The following CSMD1 variants were observed in gnomAD, a reference collection of about 807,000 sequenced individuals.
The protein encoded by CSMD1 is CUB and sushi domain-containing protein 1.
A neutral mutation model predicts 417.5 loss-of-function variants in CSMD1; 213 were observed. The ratio of observed to expected loss-of-function variants is 0.51; its 90% CI spans 0.46 to 0.57. CSMD1 has a LOEUF of 0.57. Ranked by LOEUF, CSMD1 falls within the 20% of genes least tolerant of loss-of-function variation. The probability of loss-of-function intolerance (pLI) is 0.00; values close to 1 mark genes in which losing one functional copy is unlikely to be tolerated. For missense variants in CSMD1, 6,923 were observed against 4,529.7 expected (o/e 1.53, Z -15.17); for synonymous variants, 2,862 against 1,736.8 (o/e 1.65, Z -16.11).
At chr8:4,895,136 G>C (rs1366911428) in intron 1 of CSMD1, among the ~76,000 whole-genome samples, 1 of 152,140 alleles carries the variant, frequency 6.6e-6, no homozygotes, top group Non-Finnish European at 1.5e-5. Flanking sequence ...AAATACATTT[G>C]ATTTACATTC....
At chr8:4,110,461 C>T (rs1801792547) in intron 3 of CSMD1, among the ~76,000 whole-genome samples, 1 of 152,094 alleles carries the variant, frequency 6.6e-6, no homozygotes, top group African/African-American at 2.4e-5. Flanking sequence ...CCAGATCCCT[C>T]TCATAAATAC....
intron 2 of CSMD1, among the ~76,000 whole-genome samples, chr8:4,567,605 T>G (rs1039601476): frequency 6.6e-6 from 1 of 152,062 alleles, no homozygotes; most frequent in Admixed American, 6.6e-5. Flanking sequence ...ACAGAAAGAG[T>G]GCTCTGTGCA....
At chr8:4,172,728 T>C (rs79870357) in intron 3 of CSMD1, among the ~76,000 whole-genome samples, 5,654 of 152,194 alleles carry the variant, frequency 0.037, 136 homozygotes, top group South Asian at 0.083. Flanking sequence ...TCACTTGACA[T>C]TAGGTTGTAA....
At chr8:3,250,070 T>A (rs1800153712) in intron 26 of CSMD1, among the ~76,000 whole-genome samples, 1 of 152,238 alleles carries the variant, frequency 6.6e-6, no homozygotes, top group Non-Finnish European at 1.5e-5. Context: ...TTATTTATTT[T>A]TAATTATACT....
intron 2 of CSMD1, among the ~76,000 whole-genome samples, chr8:4,460,456 C>G (rs959605670): frequency 6.6e-5 from 10 of 151,986 alleles, no homozygotes; most frequent in African/African-American, 1.2e-4. Flanking sequence ...TTACGGTAAG[C>G]AGAATAACAA....
chr8:4,417,781 A>G (rs986912181), intron 3 of CSMD1, among the ~76,000 whole-genome samples: 37 of 152,008 alleles, frequency 2.4e-4, no homozygotes, highest in African/African-American at 8.5e-4. Flanking sequence ...CATTAATTCT[A>G]CTTCATATAC....
chr8:4,009,075 G>C (rs1563313577), intron 4 of CSMD1, among the ~76,000 whole-genome samples: 1 of 152,110 alleles, frequency 6.6e-6, no homozygotes, highest in Non-Finnish European at 1.5e-5. Flanking sequence ...ATAAAATTCT[G>C]CATTTGAAGA....
intron 3 of CSMD1, among the ~76,000 whole-genome samples, chr8:4,241,076 A>C (rs1802370854): frequency 6.6e-6 from 1 of 152,128 alleles, no homozygotes; most frequent in African/African-American, 2.4e-5. Flanking sequence ...TTGATCGCTG[A>C]ATTACTTATC....
intron 7 of CSMD1, among the ~76,000 whole-genome samples, chr8:3,659,947 G>C (rs868682792): frequency 6.6e-6 from 1 of 152,130 alleles, no homozygotes; most frequent in Non-Finnish European, 1.5e-5. Flanking sequence ...TAAAAGAATT[G>C]CAATAATTTC....
intron 5 of CSMD1, among the ~76,000 whole-genome samples, chr8:3,761,205 A>G (rs924280096): frequency 2.0e-5 from 3 of 152,188 alleles, no homozygotes; most frequent in Admixed American, 6.5e-5. Context: ...ATGAACTCTC[A>G]TATTGCAAGA....
At chr8:3,876,792 T>G in intron 5 of CSMD1, among the ~76,000 whole-genome samples, 1 of 152,152 alleles carries the variant, frequency 6.6e-6, no homozygotes, top group Non-Finnish European at 1.5e-5. Context: ...AAAAATTTTT[T>G]GTAGAAACGA....
intron 3 of CSMD1, among the ~76,000 whole-genome samples, chr8:4,172,154 C>T (rs1797798952): frequency 6.6e-6 from 1 of 151,932 alleles, no homozygotes; most frequent in Non-Finnish European, 1.5e-5. Flanking sequence ...AAAAGATGGA[C>T]CTAAGAGAAG....
intron 1 of CSMD1, among the ~76,000 whole-genome samples, chr8:4,835,772 C>G (rs1197999439): frequency 2.0e-5 from 3 of 151,380 alleles, no homozygotes; most frequent in African/African-American, 7.3e-5. Context: ...ACTGCAGCTG[C>G]AAAAGTGAGT....
chr8:4,021,493 C>A (rs185190240), intron 4 of CSMD1, among the ~76,000 whole-genome samples: 1 of 152,296 alleles, frequency 6.6e-6, no homozygotes, highest in Admixed American at 6.5e-5. Context: ...GAATCCGCTA[C>A]ATCCCCAGCA....
intron 3 of CSMD1, among the ~76,000 whole-genome samples, chr8:4,339,972 G>A (rs758335699): frequency 9.2e-5 from 14 of 152,016 alleles, no homozygotes; most frequent in Admixed American, 2.6e-4. Flanking sequence ...TTCAGTGAGC[G>A]GTGATAGCAA....
chr8:4,328,534 C>T (rs1483899326), intron 3 of CSMD1, among the ~76,000 whole-genome samples: 1 of 151,736 alleles, frequency 6.6e-6, no homozygotes, highest in African/African-American at 2.4e-5. Context: ...ATCTCCTGTA[C>T]TCTATAAATA....
At chr8:4,946,999 A>G (rs1240690693) in intron 1 of CSMD1, among the ~76,000 whole-genome samples, 1 of 152,228 alleles carries the variant, frequency 6.6e-6, no homozygotes, top group Non-Finnish European at 1.5e-5. Context: ...TCTGTAATCC[A>G]AATGCTAAAC....
chr8:4,037,128 T>C (rs1585180379), intron 3 of CSMD1, among the ~76,000 whole-genome samples: 4 of 152,336 alleles, frequency 2.6e-5, no homozygotes, highest in African/African-American at 4.8e-5. Context: ...TTTTTATTAA[T>C]CTTTCTTAAG....
chr8:4,106,963 T>C (rs1298778258), intron 3 of CSMD1, among the ~76,000 whole-genome samples: 1 of 152,202 alleles, frequency 6.6e-6, no homozygotes, highest in Non-Finnish European at 1.5e-5. Context: ...AGGGAGAAGC[T>C]CTACGTCAGA....
Sources: gnomAD v4.1 joint callset for allele counts (sites outside exome capture counted in the v4.1 genomes callset) on GRCh38, gnomAD v4.1.1 for gene constraint, MANE v1.5 for transcripts, NCBI Gene and HGNC (gene_info 2026-07-23, HGNC 2026-07-21) for gene names.